Variants in RNF130 observed in about 807,000 individuals in gnomAD.
RNF130 encodes ring finger protein 130, also known as E3 ubiquitin-protein ligase RNF130.
In RNF130, 21 loss-of-function variants were observed where a neutral mutation model predicts 44.6. That is an observed-to-expected ratio of 0.47 (90% confidence interval 0.33 to 0.68). RNF130 has a LOEUF of 0.68. Ranked by LOEUF, RNF130 falls within the 30% of genes least tolerant of loss-of-function variation. The probability of loss-of-function intolerance (pLI) is 0.02; values close to 1 mark genes in which losing one functional copy is unlikely to be tolerated. For missense variants in RNF130, 479 were observed against 560.6 expected, an observed-to-expected ratio of 0.85 and a Z score of 1.47; for synonymous variants, 214 against 210.4, an observed-to-expected ratio of 1.02 and a Z score of -0.15.
At chr5:180,005,829 G>GA (rs1763452702) in intron 3 of RNF130, among the ~76,000 whole-genome samples, 1 of 152,112 alleles carries the variant, frequency 6.6e-6, no homozygotes, top group African/African-American at 2.4e-5. Flanking sequence ...GCTCATTCTT[G>GA]AATTCATTGA....
intron 1 of RNF130, among the ~76,000 whole-genome samples, chr5:180,057,780 A>T (rs1447069466): frequency 6.6e-6 from 1 of 152,162 alleles, no homozygotes; most frequent in Non-Finnish European, 1.5e-5. Context: ...GACAGTAAGT[A>T]AAGTGTTTTC....
chr5:179,990,870 A>G (rs761930512), intron 3 of RNF130, among the ~76,000 whole-genome samples: 1 of 152,246 alleles, frequency 6.6e-6, no homozygotes, highest in Non-Finnish European at 1.5e-5. Flanking sequence ...ATTGGAATAA[A>G]GAGTAATTGC....
At chr5:179,956,579 A>G (rs1762216478) in intron 8 of RNF130, 1 of 152,874 alleles carries the variant, frequency 6.5e-6, no homozygotes, top group South Asian at 2.1e-4. Flanking sequence ...GCCTACCGTC[A>G]CCACCACCTA....
At chr5:179,965,303 G>GC (rs1762416905) in intron 7 of RNF130, among the ~76,000 whole-genome samples, 1 of 152,230 alleles carries the variant, frequency 6.6e-6, no homozygotes, top group Non-Finnish European at 1.5e-5. Context: ...GTGGGTGCCA[G>GC]CGGGAGGCAC....
At chr5:179,916,430 G>A (rs1291723885) in exon 8 of RNF130, 3 of 152,216 alleles carry the variant, frequency 2.0e-5, no homozygotes, top group Non-Finnish European at 4.4e-5. Context: ...CGAACGGATT[G>A]GATGTGAGGG....
At chr5:179,926,508 G>A (rs990759745) in intron 7 of RNF130, among the ~76,000 whole-genome samples, 4 of 150,780 alleles carry the variant, frequency 2.7e-5, no homozygotes, top group Admixed American at 6.6e-5. Context: ...AATTAGCCGG[G>A]TGTGGTGGCG....
At chr5:180,052,626 A>C (rs1283617448) in intron 1 of RNF130, among the ~76,000 whole-genome samples, 1 of 152,240 alleles carries the variant, frequency 6.6e-6, no homozygotes, top group Non-Finnish European at 1.5e-5. Flanking sequence ...TATCTGGACC[A>C]TAATTTAAAA....
In RNF130 at chr5:179,955,663, T is replaced by C; in HGVS notation, c.1251A>G (p.Glu417=). 6.3e-7 allele frequency: 1 copy of C among 1,585,214 alleles called. No individual in the cohort carries two copies. The highest frequency in any genetic ancestry group is 2.2e-5 in the East Asian group (1 of 44,660). The change falls in exon 9 of 9, where the codon GAA becomes GAG. Residue 417 remains glutamate, a synonymous_variant. Transcript: ENST00000521389. ...ATASLNANEV[E]WF is the part of the protein sequence containing the mutation. ...GCAGGTTTTTTCTTCTTCAAAACCA[T>C]TCTACCCTATGGAATAAAAGGAAAA...
chr5:179,945,272 G>GAAAAC (rs1762021132), intron 7 of RNF130, among the ~76,000 whole-genome samples: 1 of 152,084 alleles, frequency 6.6e-6, no homozygotes, highest in Non-Finnish European at 1.5e-5. Context: ...ACCCTGCAGG[G>GAAAAC]TGTGCTGACT....
intron 5 of RNF130, among the ~76,000 whole-genome samples, chr5:179,971,253 C>T (rs1260027245): frequency 6.6e-6 from 1 of 152,198 alleles, no homozygotes; most frequent in Non-Finnish European, 1.5e-5. Context: ...CCCGGCCCAG[C>T]AGCCTTCTGA....
chr5:179,973,847 C>A (rs3756616), intron 5 of RNF130, among the ~76,000 whole-genome samples: 72,348 of 152,084 alleles, frequency 0.48, 20,002 homozygotes, highest in African/African-American at 0.77. Flanking sequence ...ACAGTGAAAC[C>A]TGAAAAGCAC....
At chr5:180,017,125 C>T (rs919441018) in intron 2 of RNF130, among the ~76,000 whole-genome samples, 1 of 152,148 alleles carries the variant, frequency 6.6e-6, no homozygotes, top group Admixed American at 6.5e-5. Context: ...CAGTCACTTC[C>T]GGTCCATTCA....
chr5:180,069,060 TTTC>T (rs1329308987), intron 1 of RNF130, among the ~76,000 whole-genome samples: 21 of 152,364 alleles, frequency 1.4e-4, no homozygotes, highest in Admixed American at 3.9e-4. Flanking sequence ...TTTAAATCAT[TTTC>T]TTAACACGAA....
intron 1 of RNF130, among the ~76,000 whole-genome samples, chr5:180,048,256 GT>G (rs1764614235): frequency 6.6e-6 from 1 of 152,068 alleles, no homozygotes; most frequent in South Asian, 2.1e-4. Context: ...ATTTCAACTG[GT>G]TTACATGGAA....
chr5:179,949,557 T>C (rs1047073369), intron 7 of RNF130, among the ~76,000 whole-genome samples: 1 of 152,174 alleles, frequency 6.6e-6, no homozygotes, highest in African/African-American at 2.4e-5. Context: ...TACAAAAGTT[T>C]GTCCAAGAAG....
At chr5:179,959,798 G>T (rs1762286730) in intron 8 of RNF130, among the ~76,000 whole-genome samples, 1 of 152,146 alleles carries the variant, frequency 6.6e-6, no homozygotes, top group Non-Finnish European at 1.5e-5. Context: ...AGAAGCCAGG[G>T]CTTCCTGATC....
Position 180,040,534 on chromosome 5 carries a change from G to A in RNF130, c.361C>T (p.Arg121Trp), listed in dbSNP as rs750844185. 2.5e-6 allele frequency: 4 copies of A among 1,614,052 alleles called. No homozygotes were observed. The highest frequency in any genetic ancestry group is 3.4e-6 in the Non-Finnish European group (4 of 1,180,034). Residue 121 changes from arginine (R) to tryptophan (W), a missense_variant, in exon 2 of 9, where the codon CGG becomes TGG. Arg to Trp is a moderately radical substitution (Grantham distance 101). Around this residue, in one of 3 missense-constraint regions of RNF130, gnomAD observed 180 missense variants for 275.1 expected, o/e 0.65. Transcript: ENST00000521389. ...GCAACTGCATTGTGGAAAGCGGCCC[G>A]TGATATTTTCTCTTTAAACGTGCAG... Reference protein sequence around the residue: ...GNCTFKEKISRAAFHNAVAVV... With the variant: ...GNCTFKEKISWAAFHNAVAVV...
chr5:179,946,623 G>T (rs549574220), intron 7 of RNF130, among the ~76,000 whole-genome samples: 15 of 148,142 alleles, frequency 1.0e-4, no homozygotes, highest in Admixed American at 6.8e-4. Context: ...GTGTGATCTT[G>T]GCTCACTGCA....
At chr5:179,928,042 G>A (rs1229888293) in intron 7 of RNF130, among the ~76,000 whole-genome samples, 1 of 152,074 alleles carries the variant, frequency 6.6e-6, no homozygotes, top group Non-Finnish European at 1.5e-5. Context: ...TTTCACCGCC[G>A]CATCATGTTC....
Sources: allele counts gnomAD v4.1 joint callset (sites outside exome capture counted in the v4.1 genomes callset), GRCh38; gene constraint gnomAD v4.1.1; regional missense constraint gnomAD v4.1.1; transcripts MANE v1.5; gene names NCBI Gene and HGNC (gene_info 2026-07-23, HGNC 2026-07-21).